Variants in ABHD3 observed in about 807,000 individuals in gnomAD.
The protein encoded by ABHD3 is abhydrolase domain containing 3, phospholipase.
Under a neutral mutation model 48.8 loss-of-function variants are expected in ABHD3, and 46 were observed. That is an observed-to-expected ratio of 0.94 (90% CI 0.74 to 1.20). The LOEUF is 1.20. Among genes scored for constraint, ABHD3 ranks in the 50% most tolerant of loss-of-function variants. The probability of loss-of-function intolerance (pLI) is 0.00; values close to 1 mark genes in which losing one functional copy is unlikely to be tolerated. For synonymous variants in ABHD3, 192 were observed against 183.7 expected (o/e 1.04, Z -0.36); for missense variants, 490 against 497.8 (o/e 0.98, Z 0.15).
rs539499785 is a variant in ABHD3, at chr18:21,688,359, A to G, written c.510-4394T>C. On this transcript the variant is annotated intron_variant, in intron 3 of 8. Transcript: ENST00000289119. The stretch of plus-strand genomic sequence containing the variant: ...AGAATGAGAGGAACATTCAGAGATC[A>G]GCTAGTCATATGATTGATTTCAGGT... Among the ~76,000 whole-genome samples the G allele has an allele frequency of 3.9e-5, 6 of 152,012 alleles. No individual in the cohort carries two copies. In the South Asian group the frequency reaches 1.2e-3, roughly 31 times the overall value.
intron 4 of ABHD3, among the ~76,000 whole-genome samples, chr18:21,669,965 G>A (rs1207294917): frequency 6.6e-6 from 1 of 152,108 alleles, no homozygotes; most frequent in South Asian, 2.1e-4. Context: ...GAGTGAGTCA[G>A]GAAAGGCAGG....
intron 3 of ABHD3, among the ~76,000 whole-genome samples, chr18:21,684,311 CTTT>C (rs564516602): frequency 5.1e-4 from 42 of 82,806 alleles, no homozygotes; most frequent in African/African-American, 4.3e-4. Flanking sequence ...AATGTTTTTG[CTTT>C]TTTTTTTTTT....
rs191172676 is a variant in ABHD3, at chr18:21,703,010, C to T, written c.327-512G>A. 4.5e-4 allele frequency among the ~76,000 whole-genome samples: 69 copies of T among 152,218 alleles called. No homozygotes were observed. The East Asian group carries it at 0.012, about 26-fold the overall frequency. ...TTTCCCAAACAAACAGTGCAAGTTC[C>T]AGGCAACAAAATAAACTCCAGAAGG... On this transcript the variant is annotated intron_variant, in intron 2 of 8. Coordinates refer to ENST00000289119, the MANE Select transcript of ABHD3 (RefSeq NM_138340.5).
chr18:21,685,467 A>G (rs1273652874), intron 3 of ABHD3, among the ~76,000 whole-genome samples: 1 of 152,196 alleles, frequency 6.6e-6, no homozygotes, highest in Non-Finnish European at 1.5e-5. Flanking sequence ...ATGTTTAGAA[A>G]CCTCAGAAAT....
chr18:21,666,016 TTTTAAA>T (rs1355589305), intron 4 of ABHD3, among the ~76,000 whole-genome samples: 13 of 151,992 alleles, frequency 8.6e-5, no homozygotes, highest in Admixed American at 6.6e-5. Context: ...TTTCTTTTAT[TTTTAAA>T]TTTATTTTTA....
intron 3 of ABHD3, among the ~76,000 whole-genome samples, chr18:21,696,142 CCTT>C (rs1449707820): frequency 3.3e-5 from 5 of 150,218 alleles, no homozygotes; most frequent in Non-Finnish European, 7.4e-5. Context: ...CTGTTTTTCT[CCTT>C]GTTTTTTTTT....
In ABHD3 at chr18:21,651,502, G is replaced by T. The variant is rs190739344; in HGVS notation, c.*89C>A. On this transcript the variant is annotated 3_prime_UTR_variant, in exon 9 of 9. Transcript: ENST00000289119. Reference sequence around the variant, plus strand: ...TCTTCACCCATCTGCTGGCTTATTTGCTTTATATACAACAGTTAAAATTTG... The same window carrying T: ...TCTTCACCCATCTGCTGGCTTATTTTCTTTATATACAACAGTTAAAATTTG... The T allele has an allele frequency of 3.2e-5, 47 of 1,477,110 alleles. No individual in the cohort carries two copies. Among genetic ancestry groups the T allele is most frequent in the Admixed American group, 1.9e-4 (10 of 51,528 alleles). The allele number at this position is 1,477,110 out of a possible 1,614,324, so 91.5% of individuals were successfully genotyped here.
chr18:21,683,804 A>C, intron 4 of ABHD3, 116 bp downstream of exon 4: 2 of 1,037,052 alleles, frequency 1.9e-6, no homozygotes, highest in Non-Finnish European at 1.3e-6. Flanking sequence ...TTGTATAATA[A>C]ATTTGTATTG....
intron 8 of ABHD3, among the ~76,000 whole-genome samples, chr18:21,653,223 A>G (rs1271646588): frequency 1.4e-5 from 2 of 144,302 alleles, no homozygotes; most frequent in Admixed American, 1.4e-4. Context: ...ATAGCCAGGC[A>G]TGGTGGTGCA....
chr18:21,652,793 G>A (rs2039254654), intron 8 of ABHD3, among the ~76,000 whole-genome samples: 1 of 151,452 alleles, frequency 6.6e-6, no homozygotes, highest in Non-Finnish European at 1.5e-5. Flanking sequence ...AAGAGCTCAC[G>A]CCTGTCATCC....
chr18:21,670,487 T>G (rs2039732403), intron 4 of ABHD3, among the ~76,000 whole-genome samples: 1 of 152,320 alleles, frequency 6.6e-6, no homozygotes, highest in African/African-American at 2.4e-5. Context: ...TCTCATTAGC[T>G]TTTCACTGCC....
intron 4 of ABHD3, 106 bp downstream of exon 4, chr18:21,683,814 G>A (rs1393707514): frequency 3.6e-6 from 4 of 1,111,384 alleles, no homozygotes; most frequent in African/African-American, 3.3e-5. Flanking sequence ...AATTTGTATT[G>A]CTTACATAAA....
chr18:21,667,670 C>T (rs1269675383), intron 4 of ABHD3, among the ~76,000 whole-genome samples: 1 of 152,064 alleles, frequency 6.6e-6, no homozygotes, highest in Non-Finnish European at 1.5e-5. Context: ...ACAATATTTC[C>T]GATGGCTAAC....
intron 8 of ABHD3, among the ~76,000 whole-genome samples, chr18:21,653,234 C>T (rs895575615): frequency 6.0e-5 from 9 of 149,746 alleles, no homozygotes; most frequent in African/African-American, 1.5e-4. Flanking sequence ...TGGTGGTGCA[C>T]GCCTGTAATC....
Position 21,651,702 on chromosome 18 carries a change from T to C in ABHD3, c.1119A>G (p.Gly373=), listed in dbSNP as rs2039226061. Reference sequence around the variant, plus strand: ...TTCCCTCCAGAAAACCAATATGGCCTCCATAAGAAGTAAGGACCAAAGCAA... The same window carrying C: ...TTCCCTCCAGAAAACCAATATGGCCCCCATAAGAAGTAAGGACCAAAGCAA... The part of the protein sequence containing the change: ...PNVALVLTSY[G]GHIGFLEGIW... The change falls in exon 9 of 9, where the codon GGA becomes GGG. Residue 373 remains glycine, a synonymous_variant. Transcript: ENST00000289119. 6.2e-7 allele frequency: 1 copy of C among 1,610,774 alleles called. No homozygotes were observed. Among genetic ancestry groups the C allele is most frequent in the Non-Finnish European group, 8.5e-7 (1 of 1,178,790 alleles).
At chr18:21,700,092 A>T (rs997697861) in intron 3 of ABHD3, among the ~76,000 whole-genome samples, 17 of 148,622 alleles carry the variant, frequency 1.1e-4, no homozygotes, top group African/African-American at 4.1e-4. Flanking sequence ...ATTTATTTTT[A>T]TTTATTTATT....
intron 8 of ABHD3, among the ~76,000 whole-genome samples, chr18:21,654,342 G>A (rs2039297325): frequency 6.6e-6 from 1 of 152,112 alleles, no homozygotes; most frequent in South Asian, 2.1e-4. Context: ...TAAGAAAAAG[G>A]AAGCTAAAAT....
intron 3 of ABHD3, 120 bp from the exon 4 acceptor site, chr18:21,684,085 GTAGTTGTAATGTTTGGCAATT>G: frequency 1.1e-6 from 1 of 872,808 alleles, no homozygotes; most frequent in Non-Finnish European, 1.7e-6. Flanking sequence ...AATCTGTCTT[GTAGTTGTAATGTTTGGCAATT>G]TCATCTAAAT....
intron 4 of ABHD3, among the ~76,000 whole-genome samples, chr18:21,668,889 C>T (rs989780832): frequency 6.6e-6 from 1 of 151,988 alleles, no homozygotes; most frequent in Non-Finnish European, 1.5e-5. Flanking sequence ...CCGTATAGCC[C>T]CAGCTGTGCT....
Sources: gnomAD v4.1 joint callset for allele counts (sites outside exome capture counted in the v4.1 genomes callset) on GRCh38, gnomAD v4.1.1 for gene constraint, MANE v1.5 for transcripts, NCBI Gene and HGNC (gene_info 2026-07-23, HGNC 2026-07-21) for gene names.